ILDR1: variants seen among roughly 807,000 people sequenced by gnomAD.
ILDR1 encodes the protein immunoglobulin like domain containing receptor 1, also known as immunoglobulin-like domain-containing receptor 1.
A neutral mutation model predicts 62.4 loss-of-function variants in ILDR1; 56 were observed. The observed-to-expected ratio is 0.90, with a 90% confidence interval of 0.72 to 1.12. The LOEUF is 1.12. Among genes scored for constraint, ILDR1 ranks in the 50% most tolerant of loss-of-function variants. ILDR1 has a pLI of 0.00. For synonymous variants in ILDR1, 284 were observed against 277.8 expected (o/e 1.02, Z -0.22); for missense variants, 736 against 710.6 (o/e 1.04, Z -0.41).
chr3:122,001,636 A>C, intron 4 of ILDR1, 109 bp downstream of exon 4: 1 of 1,550,240 alleles, frequency 6.5e-7, no homozygotes, highest in Non-Finnish European at 8.9e-7. Context: ...TTGATAATCC[A>C]ATGACAAGAA....
At chr3:122,002,421 C>A (rs1350352334) in intron 3 of ILDR1, among the ~76,000 whole-genome samples, 2 of 152,016 alleles carry the variant, frequency 1.3e-5, no homozygotes, top group Non-Finnish European at 2.9e-5. Flanking sequence ...ATTCTGGGTC[C>A]CTTATCAGCC....
At chr3:122,040,686 T>C in the ILDR1 span, among the ~76,000 whole-genome samples, 2 of 143,096 alleles carry the variant, frequency 1.4e-5, no homozygotes, top group Admixed American at 1.4e-4. Context: ...GATATCATTT[T>C]CAACAAATAA....
intron 3 of ILDR1, among the ~76,000 whole-genome samples, chr3:122,004,642 A>C (rs552430269): frequency 6.6e-6 from 1 of 152,280 alleles, no homozygotes; most frequent in Admixed American, 6.5e-5. Flanking sequence ...TTCACTTTGG[A>C]GTAGGGAGGA....
At chr3:122,031,607 T>A in the ILDR1 span, among the ~76,000 whole-genome samples, 1 of 152,198 alleles carries the variant, frequency 6.6e-6, no homozygotes. Flanking sequence ...CCCTCATGAA[T>A]GGGATTAGTG....
At chr3:122,039,201 C>T in the ILDR1 span, among the ~76,000 whole-genome samples, 4 of 151,646 alleles carry the variant, frequency 2.6e-5, no homozygotes, top group Admixed American at 2.6e-4. Context: ...AAATAATAAC[C>T]AAGAATTTGC....
chr3:122,034,883 ATGT>A, the ILDR1 span, among the ~76,000 whole-genome samples: 1 of 152,244 alleles, frequency 6.6e-6, no homozygotes, highest in East Asian at 1.9e-4. Context: ...AAACCATCAG[ATGT>A]TGTGAGACTC....
the ILDR1 span, among the ~76,000 whole-genome samples, chr3:122,046,880 C>T: frequency 1.4e-5 from 2 of 145,688 alleles, no homozygotes; most frequent in Non-Finnish European, 1.5e-5. Flanking sequence ...TCCCATAGCT[C>T]AGAGTAATTT....
the ILDR1 span, among the ~76,000 whole-genome samples, chr3:122,045,688 C>G: frequency 6.6e-6 from 1 of 151,546 alleles, no homozygotes; most frequent in Admixed American, 6.6e-5. Context: ...TTCTTAGTCT[C>G]TTTTGATCTT....
the ILDR1 span, among the ~76,000 whole-genome samples, chr3:122,054,831 C>T: frequency 2.0e-5 from 3 of 152,078 alleles, no homozygotes; most frequent in South Asian, 4.2e-4. Flanking sequence ...TCAGAATATT[C>T]GCTTTCATCA....
chr3:122,001,380 A>T lies in ILDR1; in HGVS notation c.574T>A (p.Cys192Ser). Residue 192 changes from cysteine (C) to serine (S), a missense_variant, in exon 5 of 8, where the codon TGC becomes AGC. Coordinates refer to ENST00000344209, the MANE Select transcript of ILDR1 (RefSeq NM_001199799.2). ...TAGCAGCAGCAATACTGAGGACAGC[A>T]CTGGCACCAGCACACTCCAATCAGC... ...LLLIGVCWCQ[C>S]CPQYCCCYIR... 1 of 1,614,180 alleles carries T rather than the reference A, an allele frequency of 6.2e-7. No homozygotes were observed. The highest frequency in any genetic ancestry group is 8.5e-7 in the Non-Finnish European group (1 of 1,180,026).
At chr3:122,040,291 A>G in the ILDR1 span, among the ~76,000 whole-genome samples, 1 of 152,038 alleles carries the variant, frequency 6.6e-6, no homozygotes, top group African/African-American at 2.4e-5. Context: ...CAATCTTGGA[A>G]ACCAAAAAAA....
chr3:122,030,013 G>T, the ILDR1 span, among the ~76,000 whole-genome samples: 1 of 152,076 alleles, frequency 6.6e-6, no homozygotes, highest in African/African-American at 2.4e-5. Context: ...GCTGGAAAAA[G>T]GAATGGAGAA....
the ILDR1 span, among the ~76,000 whole-genome samples, chr3:122,053,302 T>A: frequency 9.8e-5 from 15 of 152,296 alleles, no homozygotes; most frequent in African/African-American, 3.4e-4. Context: ...TTTTTAATTG[T>A]TTGTTGTTTC....
At chr3:122,002,654 C>T (rs2071545785) in intron 3 of ILDR1, among the ~76,000 whole-genome samples, 1 of 151,588 alleles carries the variant, frequency 6.6e-6, no homozygotes. Flanking sequence ...GGTATATGTG[C>T]AGGTTTGTTA....
intron 1 of ILDR1, among the ~76,000 whole-genome samples, chr3:122,018,523 C>A (rs554233054): frequency 1.3e-5 from 2 of 152,112 alleles, no homozygotes; most frequent in East Asian, 3.9e-4. Flanking sequence ...CACATGTAAC[C>A]CAGTATAATT....
chr3:122,048,239 C>A, the ILDR1 span, among the ~76,000 whole-genome samples: 1 of 152,154 alleles, frequency 6.6e-6, no homozygotes, highest in Admixed American at 6.5e-5. Flanking sequence ...ATGTACCATA[C>A]TAATTTTCAT....
chr3:122,014,713 A>T (rs1049092585), intron 1 of ILDR1, among the ~76,000 whole-genome samples: 7 of 152,268 alleles, frequency 4.6e-5, no homozygotes, highest in Non-Finnish European at 8.8e-5. Context: ...ATAGCCAGTG[A>T]CAGTCCCATG....
At chr3:122,057,435 T>C in the ILDR1 span, among the ~76,000 whole-genome samples, 1 of 152,208 alleles carries the variant, frequency 6.6e-6, no homozygotes, top group African/African-American at 2.4e-5. Flanking sequence ...TGTAGAACAA[T>C]TCATAATGTG....
the ILDR1 span, among the ~76,000 whole-genome samples, chr3:122,048,434 C>T: frequency 1.3e-5 from 2 of 152,140 alleles, no homozygotes; most frequent in East Asian, 1.9e-4. Context: ...TAACACTGGC[C>T]TTGTAAAATG....
Sources: gnomAD v4.1 joint callset for allele counts (sites outside exome capture counted in the v4.1 genomes callset) on GRCh38, gnomAD v4.1.1 for gene constraint, MANE v1.5 for transcripts, NCBI Gene and HGNC (gene_info 2026-07-23, HGNC 2026-07-21) for gene names.